Variants in PACSIN2 observed in about 807,000 individuals in gnomAD.
PACSIN2 encodes the protein protein kinase C and casein kinase substrate in neurons protein 2.
Under a neutral mutation model 63.8 loss-of-function variants are expected in PACSIN2, and 25 were observed. That is an observed-to-expected ratio of 0.39 (90% CI 0.29 to 0.55). The LOEUF (loss-of-function observed/expected upper bound fraction) is 0.55, where lower values mean the gene tolerates loss of function less well. Among genes scored for constraint, PACSIN2 ranks in the 20% least tolerant of loss-of-function variants. The pLI is 0.62. For synonymous variants in PACSIN2, 255 were observed against 256.2 expected (o/e 1.00, Z 0.05); for missense variants, 518 against 646.9 (o/e 0.80, Z 2.16).
intron 7 of PACSIN2, among the ~76,000 whole-genome samples, chr22:42,879,937 C>T (rs967799643): frequency 6.6e-6 from 1 of 152,170 alleles, no homozygotes; most frequent in South Asian, 2.1e-4. Flanking sequence ...AGAGTACGCT[C>T]CTCCTGGAAG....
rs368916881 is a variant in PACSIN2 at position 42,977,372 on chromosome 22, T to G, written c.-78+37649A>C. Among the ~76,000 whole-genome samples the G allele has an allele frequency of 9.9e-5, 15 of 152,022 alleles. No homozygotes were observed. The East Asian group carries it at 2.5e-3, about 25-fold the overall frequency. On this transcript the variant is annotated intron_variant, in intron 1 of 10. Transcript: ENST00000263246. ...TAGACGGAAAAACGGAGAAAGGATA[T>G]AGGTATGGAATTCACAGAAGAAAAA...
At chr22:42,976,537 T>C (rs1157108673) in intron 1 of PACSIN2, among the ~76,000 whole-genome samples, 3 of 152,248 alleles carry the variant, frequency 2.0e-5, no homozygotes, top group Non-Finnish European at 2.9e-5. Flanking sequence ...CTTAACAGGC[T>C]TGCTGCTGGG....
chr22:42,895,648 G>A (rs749030715), intron 2 of PACSIN2, among the ~76,000 whole-genome samples: 3 of 152,204 alleles, frequency 2.0e-5, no homozygotes, highest in Admixed American at 6.5e-5. Context: ...GTGGAAATCC[G>A]TGATGAATAC....
chr22:43,008,633 T>TA (rs1924255051), intron 1 of PACSIN2, among the ~76,000 whole-genome samples: 1 of 152,192 alleles, frequency 6.6e-6, no homozygotes, highest in Non-Finnish European at 1.5e-5. Context: ...AATTAGTCCA[T>TA]AAAATGTTAG....
chr22:42,873,754 G>A (rs938412975), intron 10 of PACSIN2, among the ~76,000 whole-genome samples: 15 of 152,116 alleles, frequency 9.9e-5, no homozygotes, highest in African/African-American at 2.9e-4. Flanking sequence ...TTTGGCCCTA[G>A]GCCACTCCAG....
At chr22:42,992,948 G>A (rs752891298) in intron 1 of PACSIN2, among the ~76,000 whole-genome samples, 7 of 152,164 alleles carry the variant, frequency 4.6e-5, no homozygotes, top group South Asian at 4.1e-4. Flanking sequence ...CAGATTGCCC[G>A]AGCTCAGGAG....
At chr22:43,011,745 C>T (rs1466647898) in intron 1 of PACSIN2, among the ~76,000 whole-genome samples, 1 of 152,120 alleles carries the variant, frequency 6.6e-6, no homozygotes, top group African/African-American at 2.4e-5. Context: ...GGCAAGGTGG[C>T]AGGCGCCTGT....
At chr22:42,891,547 C>T (rs182447597) in intron 3 of PACSIN2, among the ~76,000 whole-genome samples, 48 of 152,218 alleles carry the variant, frequency 3.2e-4, no homozygotes, top group Non-Finnish European at 6.3e-4. Flanking sequence ...ATTACAGGTG[C>T]CCGCCACCAC....
chr22:42,946,695 C>T (rs535434169), intron 1 of PACSIN2, among the ~76,000 whole-genome samples: 10 of 152,294 alleles, frequency 6.6e-5, no homozygotes, highest in Non-Finnish European at 1.2e-4. Context: ...CACAGGCATG[C>T]GCACACACAT....
intron 1 of PACSIN2, among the ~76,000 whole-genome samples, chr22:42,947,604 C>T (rs1367331361): frequency 6.7e-6 from 1 of 149,870 alleles, no homozygotes; most frequent in Non-Finnish European, 1.5e-5. Flanking sequence ...AAAGAACACG[C>T]TAGCCTGGAT....
intron 2 of PACSIN2, among the ~76,000 whole-genome samples, chr22:42,894,869 T>G (rs1163726620): frequency 6.6e-6 from 1 of 152,150 alleles, no homozygotes; most frequent in Non-Finnish European, 1.5e-5. Context: ...CAACCCCTTG[T>G]CAGTTTTACC....
At chr22:42,877,135 T>C (rs996889336) in intron 8 of PACSIN2, 125 bp from the exon 9 acceptor site, 8 of 1,002,038 alleles carry the variant, frequency 8.0e-6, no homozygotes, top group Admixed American at 6.3e-5. Context: ...GGGACCGTGG[T>C]GTTTCAACAG....
chr22:42,990,570 A>G (rs528560965), intron 1 of PACSIN2, among the ~76,000 whole-genome samples: 2 of 152,256 alleles, frequency 1.3e-5, no homozygotes, highest in Admixed American at 1.3e-4. Context: ...ATTAGAGCCA[A>G]GTTTTGAAGG....
At chr22:43,014,247 C>T (rs1168540028) in intron 1 of PACSIN2, among the ~76,000 whole-genome samples, 1 of 151,692 alleles carries the variant, frequency 6.6e-6, no homozygotes, top group African/African-American at 2.4e-5. Context: ...GTCACAAGGG[C>T]AAACCTCCCC....
At chr22:42,977,368 G>A (rs1394967316) in intron 1 of PACSIN2, among the ~76,000 whole-genome samples, 1 of 152,064 alleles carries the variant, frequency 6.6e-6, no homozygotes, top group East Asian at 1.9e-4. Context: ...ACGGAGAAAG[G>A]ATATAGGTAT....
chr22:42,905,440 T>C (rs1212245095), intron 2 of PACSIN2, among the ~76,000 whole-genome samples: 3 of 152,244 alleles, frequency 2.0e-5, no homozygotes, highest in Non-Finnish European at 2.9e-5. Context: ...AAATAAACTC[T>C]GGGTGTCAAC....
At chr22:43,014,064 T>G (rs577159378) in intron 1 of PACSIN2, among the ~76,000 whole-genome samples, 2 of 151,940 alleles carry the variant, frequency 1.3e-5, no homozygotes, top group Non-Finnish European at 2.9e-5. Flanking sequence ...GAAAAGAAAA[T>G]CGACCTTCTC....
chr22:42,876,949 AG>A lies in PACSIN2; in HGVS notation c.1089del (p.Phe364SerfsTer22). On this transcript the variant is annotated frameshift_variant, in exon 9 of 11. Coordinates refer to ENST00000263246, the MANE Select transcript of PACSIN2 (RefSeq NM_001184970.3). LOFTEE classifies it high-confidence loss of function. ...QSAQSQSSYN[P>X]FEDEDDTGST... ...CTGCCCGTGTCGTCCTCATCCTCGA[AG>A]GGGTTGTAGCTGGACTGTGACTGCG... The A allele has an allele frequency of 3.1e-6, 5 of 1,614,058 alleles. No homozygotes were observed. The highest frequency in any genetic ancestry group is 4.2e-6 in the Non-Finnish European group (5 of 1,179,994).
rs185082341 is a variant in PACSIN2, at chr22:42,985,469, G to C, written c.-78+29552C>G. Among the ~76,000 whole-genome samples, 35 of 152,316 alleles carry C rather than the reference G, an allele frequency of 2.3e-4. No homozygotes were observed. In the East Asian group the frequency reaches 6.8e-3, roughly 29 times the overall value. On this transcript the variant is annotated intron_variant, in intron 1 of 10. Transcript: ENST00000263246. ...CAAGGCTCCGTTGTGGCCCCCCACT[G>C]GCCTCACTTCTCTCCACATGCAGGC...
Sources: gnomAD v4.1 joint callset for allele counts (sites outside exome capture counted in the v4.1 genomes callset) on GRCh38, gnomAD v4.1.1 for gene constraint, MANE v1.5 for transcripts, NCBI Gene and HGNC (gene_info 2026-07-23, HGNC 2026-07-21) for gene names.